COMMD10: variants seen among roughly 807,000 people sequenced by gnomAD.
COMMD10 encodes COMM domain-containing protein 10.
COMMD10 carries 33 observed loss-of-function variants against 28.9 expected under a neutral mutation model. That is an observed-to-expected ratio of 1.14 (90% CI 0.87 to 1.53). COMMD10 has a LOEUF of 1.53. COMMD10 is among the 40% of genes most tolerant of loss of function. The pLI is 0.00. For synonymous variants in COMMD10, 110 were observed against 81.7 expected (o/e 1.35, Z -1.87); for missense variants, 310 against 233.4 (o/e 1.33, Z -2.14).
chr5:116,217,399 G>T (rs1402988997), intron 5 of COMMD10, among the ~76,000 whole-genome samples: 1 of 152,200 alleles, frequency 6.6e-6, no homozygotes, highest in Non-Finnish European at 1.5e-5. Flanking sequence ...GCTCTGAACA[G>T]GCAAAGTTTA....
At chr5:116,199,935 G>GT (rs35686354) in intron 5 of COMMD10, among the ~76,000 whole-genome samples, 1 of 151,804 alleles carries the variant, frequency 6.6e-6, no homozygotes, top group African/African-American at 2.4e-5. Context: ...AGGTTGTTGG[G>GT]TTTTTTCCTC....
intron 4 of COMMD10, among the ~76,000 whole-genome samples, chr5:116,109,385 A>G (rs1002003393): frequency 1.3e-5 from 2 of 152,168 alleles, no homozygotes; most frequent in East Asian, 3.9e-4. Flanking sequence ...GTGATCCCCA[A>G]GAGTTTGAGA....
chr5:116,274,146 G>A (rs1465602717), intron 5 of COMMD10, among the ~76,000 whole-genome samples: 1 of 151,766 alleles, frequency 6.6e-6, no homozygotes, highest in Non-Finnish European at 1.5e-5. Context: ...CACTTACACT[G>A]TATTCAGTAC....
At chr5:116,107,465 G>T (rs1480568527) in intron 4 of COMMD10, among the ~76,000 whole-genome samples, 2 of 151,904 alleles carry the variant, frequency 1.3e-5, no homozygotes, top group African/African-American at 4.8e-5. Context: ...TTGCTTTATC[G>T]ATTCGGCTAT....
chr5:116,256,820 G>A (rs1176612248), intron 5 of COMMD10, among the ~76,000 whole-genome samples: 2 of 151,650 alleles, frequency 1.3e-5, no homozygotes, highest in Non-Finnish European at 2.9e-5. Context: ...TCATCAGAAA[G>A]CAAAGGTATC....
intron 4 of COMMD10, among the ~76,000 whole-genome samples, chr5:116,100,982 G>C (rs1043534438): frequency 6.6e-6 from 1 of 152,172 alleles, no homozygotes; most frequent in African/African-American, 2.4e-5. Flanking sequence ...TTATGAGTAA[G>C]AATATGCAGT....
chr5:116,092,732 C>A, intron 4 of COMMD10, 32 bp downstream of exon 4: 1 of 1,439,808 alleles, frequency 6.9e-7, no homozygotes, highest in Admixed American at 2.3e-5. Flanking sequence ...ATATGTTTTT[C>A]AATAACATAT....
chr5:116,098,170 G>A (rs1005411688), intron 4 of COMMD10, among the ~76,000 whole-genome samples: 8 of 152,316 alleles, frequency 5.3e-5, no homozygotes, highest in Non-Finnish European at 8.8e-5. Flanking sequence ...ACCTCTGGCA[G>A]CTGTAATGCT....
intron 5 of COMMD10, among the ~76,000 whole-genome samples, chr5:116,240,614 G>A (rs1326551624): frequency 6.6e-6 from 1 of 152,084 alleles, no homozygotes; most frequent in East Asian, 1.9e-4. Context: ...GAGAACCTGA[G>A]AAGTTCCATT....
At chr5:116,139,441 G>C (rs1752127794) in intron 5 of COMMD10, among the ~76,000 whole-genome samples, 1 of 151,698 alleles carries the variant, frequency 6.6e-6, no homozygotes, top group Admixed American at 6.6e-5. Context: ...ATTTAGGATA[G>C]ATTTCTCAGA....
intron 5 of COMMD10, among the ~76,000 whole-genome samples, chr5:116,229,168 C>G (rs1749468804): frequency 6.6e-6 from 1 of 151,716 alleles, no homozygotes; most frequent in South Asian, 2.1e-4. Context: ...ATTTTTAATC[C>G]TACTCATAGA....
chr5:116,090,662 G>A (rs1198977634), intron 2 of COMMD10, among the ~76,000 whole-genome samples: 1 of 152,176 alleles, frequency 6.6e-6, no homozygotes, highest in Non-Finnish European at 1.5e-5. Flanking sequence ...CATGGGGCAT[G>A]TAGGCAGCTT....
intron 5 of COMMD10, among the ~76,000 whole-genome samples, chr5:116,233,634 T>A (rs772864540): frequency 6.6e-6 from 1 of 152,220 alleles, no homozygotes; most frequent in Non-Finnish European, 1.5e-5. Context: ...GAGTAAAGAT[T>A]TGAAAGATGT....
chr5:116,199,113 C>T (rs993852793), intron 5 of COMMD10, among the ~76,000 whole-genome samples: 40 of 152,096 alleles, frequency 2.6e-4, no homozygotes, highest in Admixed American at 6.6e-5. Flanking sequence ...TTATCCTCAC[C>T]ATCATTTGGT....
At chr5:116,149,969 C>T (rs1451456159) in intron 5 of COMMD10, among the ~76,000 whole-genome samples, 2 of 152,094 alleles carry the variant, frequency 1.3e-5, no homozygotes, top group Non-Finnish European at 2.9e-5. Context: ...AGGTTTTCTT[C>T]TAAGGTTTTT....
chr5:116,212,857 A>G (rs1352617620), intron 5 of COMMD10, among the ~76,000 whole-genome samples: 1 of 152,026 alleles, frequency 6.6e-6, no homozygotes, highest in Non-Finnish European at 1.5e-5. Flanking sequence ...GACACTTAAA[A>G]TTACTTGTTC....
At chr5:116,195,876 A>T (rs10052306) in intron 5 of COMMD10, among the ~76,000 whole-genome samples, 16,145 of 152,236 alleles carry the variant, frequency 0.11, 955 homozygotes, top group African/African-American at 0.15. Context: ...AATCAAAACC[A>T]CAATGCAATA....
chr5:116,212,818 A>G lies in COMMD10; in HGVS notation c.510+78640A>G, dbSNP rs182808085. On this transcript the variant is annotated intron_variant, in intron 5 of 6. Transcript: ENST00000274458. ...TGTATGTTAGAATTTTAATGATTAT[A>G]GAAACTGTGGAATATTCTGTATATA... Among the ~76,000 whole-genome samples the G allele has an allele frequency of 2.1e-3, 318 of 152,262 alleles. 1 individual carries two copies. Among genetic ancestry groups the G allele is most frequent in the Middle Eastern group, 0.014 (4 of 294 alleles).
At chr5:116,152,232 T>C (rs1240586468) in intron 5 of COMMD10, among the ~76,000 whole-genome samples, 1 of 152,206 alleles carries the variant, frequency 6.6e-6, no homozygotes, top group Non-Finnish European at 1.5e-5. Flanking sequence ...CAGTTTGTTA[T>C]AATTTGTGTT....
Sources: allele counts gnomAD v4.1 joint callset (sites outside exome capture counted in the v4.1 genomes callset), GRCh38; gene constraint gnomAD v4.1.1; transcripts MANE v1.5; gene names NCBI Gene and HGNC (gene_info 2026-07-23, HGNC 2026-07-21).